KIF22: variants seen among roughly 807,000 people sequenced by gnomAD.
KIF22 encodes the protein kinesin-like protein KIF22.
KIF22 carries 62 observed loss-of-function variants against 73.0 expected under a neutral mutation model. The ratio of observed to expected loss-of-function variants is 0.85; its 90% CI spans 0.69 to 1.05. The LOEUF is 1.05. KIF22 is among the 50% of genes least tolerant of loss of function. The probability of loss-of-function intolerance (pLI) is 0.00; values close to 1 mark genes in which losing one functional copy is unlikely to be tolerated. For missense variants in KIF22, 854 were observed against 870.1 expected, an observed-to-expected ratio of 0.98 and a Z score of 0.23; for synonymous variants, 411 against 340.1, an observed-to-expected ratio of 1.21 and a Z score of -2.29.
At position 29,799,295 on chromosome 16, in the gene KIF22, G is replaced by A. The variant is rs781023894; in HGVS notation, c.791G>A (p.Arg264His). Residue 264 changes from arginine (R) to histidine (H), a missense_variant, in exon 6 of 14, where the codon CGC (arginine) becomes CAC (histidine). Arg to His is a conservative substitution (Grantham distance 29). Transcript: ENST00000160827. ...CAGCGGGAACGTTTGGCCCCATTTC[G>A]CCAGCGAGAGGGAAAACTCTACCTG... ...VDQRERLAPFRQREGKLYLID... is the reference protein window; with the variant it reads ...VDQRERLAPFHQREGKLYLID... 9.9e-6 allele frequency: 16 copies of A among 1,613,906 alleles called. No homozygotes were observed. The highest frequency in any genetic ancestry group is 7.7e-5 in the South Asian group (7 of 91,048).
chr16:29,799,874 C>T (rs1357140561), intron 7 of KIF22, 39 bp from the exon 8 acceptor site: 1 of 1,612,878 alleles, frequency 6.2e-7, no homozygotes, highest in South Asian at 1.1e-5. Flanking sequence ...GGCTGACCAC[C>T]CCCAATCCCT....
At chr16:29,805,060 CG>C (rs887636460) in intron 12 of KIF22, 34 bp downstream of exon 12, 4 of 848,408 alleles carry the variant, frequency 4.7e-6, no homozygotes, top group African/African-American at 1.7e-5. Context: ...AGGGCGGGGG[CG>C]GGGGAGACCG....
chr16:29,801,411 T>C (rs1899132363), intron 8 of KIF22, among the ~76,000 whole-genome samples: 1 of 152,194 alleles, frequency 6.6e-6, no homozygotes, highest in African/African-American at 2.4e-5. Context: ...TAGTGCCCAC[T>C]CTGTCCCAGG....
intron 10 of KIF22, 88 bp from the exon 11 acceptor site, chr16:29,803,910 G>A (rs1206336406): frequency 9.9e-7 from 1 of 1,010,316 alleles, no homozygotes; most frequent in African/African-American, 1.6e-5. Flanking sequence ...GGGGAGCTGG[G>A]GAATCAGAAA....
intron 8 of KIF22, among the ~76,000 whole-genome samples, chr16:29,801,203 C>T (rs1899125647): frequency 6.6e-6 from 1 of 152,200 alleles, no homozygotes; most frequent in African/African-American, 2.4e-5. Context: ...ATCACCCCAC[C>T]TCATGGCCCA....
intron 1 of KIF22, among the ~76,000 whole-genome samples, chr16:29,795,226 T>C (rs902187282): frequency 1.6e-4 from 25 of 152,190 alleles, no homozygotes; most frequent in African/African-American, 6.0e-4. Flanking sequence ...AGGATTGCCA[T>C]GAGGAACAAA....
intron 11 of KIF22, 81 bp downstream of exon 11, chr16:29,804,146 T>G: frequency 8.3e-7 from 1 of 1,199,732 alleles, no homozygotes. Context: ...AGCGTTGGCC[T>G]TGGGGTTAAA....
chr16:29,791,016 C>T, intron 1 of KIF22, 187 bp downstream of exon 1: 4 of 1,450,174 alleles, frequency 2.8e-6, no homozygotes, highest in South Asian at 1.4e-5. Flanking sequence ...CTGCCTTCTC[C>T]CTGTTTCCTG....
In KIF22 at chr16:29,804,035, C is replaced by T. The variant is rs142414573; in HGVS notation, c.1647C>T (p.His549=). ...CAGCATCCCCAAATGCCGAGATCCA[C>T]ATCCTGAAGAATAAAGGCCGGAAGA... The part of the protein sequence containing the change: ...EQAASPNAEI[H]ILKNKGRKRK... Residue 549 remains histidine, a synonymous_variant, in exon 11 of 14, where the codon CAC becomes CAT. Coordinates refer to ENST00000160827, the MANE Select transcript of KIF22 (RefSeq NM_007317.3). 1 of 1,613,946 alleles carries T rather than the reference C, an allele frequency of 6.2e-7. No individual in the cohort carries two copies. The highest frequency in any genetic ancestry group is 8.5e-7 in the Non-Finnish European group (1 of 1,179,862).
At position 29,791,066 on chromosome 16, in the gene KIF22, G is replaced by A. The variant is rs946316307; in HGVS notation, c.70+237G>A. 1.9e-5 allele frequency: 27 copies of A among 1,397,144 alleles called. No individual in the cohort carries two copies. In the African/African-American group the frequency reaches 3.5e-4, roughly 18 times the overall value. The allele number at this position is 1,397,144 out of a possible 1,614,324, so 86.5% of individuals were successfully genotyped here. A position where few individuals can be genotyped will look rare whatever the true frequency, so the allele number is the denominator to read the frequency against. ...CAGTAGACTCGGGTCTCCGGTCCAG[G>A]CTCTTGGCTTGAACCCCGCGCACTT... On this transcript the variant is annotated intron_variant, in intron 1 of 13. Coordinates refer to ENST00000160827, the MANE Select transcript of KIF22 (RefSeq NM_007317.3).
intron 8 of KIF22, 161 bp downstream of exon 8, chr16:29,800,209 C>T: frequency 2.6e-6 from 2 of 774,482 alleles, no homozygotes; most frequent in Non-Finnish European, 3.9e-6. Context: ...AACCCCAGCA[C>T]TTTGGGAGAC....
rs746702908 is a variant in KIF22 at position 29,799,717 on chromosome 16, C to T, written c.1080C>T (p.Asn360=). Residue 360 remains asparagine, a synonymous_variant, in exon 7 of 14, where the codon AAC becomes AAT. Coordinates refer to ENST00000160827, the MANE Select transcript of KIF22 (RefSeq NM_007317.3). ...RFYLDTVSAL[N]FAARSKEVIN... ...ACCTAGACACAGTCTCCGCACTCAA[C>T]TTTGCTGCCAGGTCCAAGGAGGTGA... 16 of 1,613,686 alleles carry T rather than the reference C, an allele frequency of 9.9e-6. No individual in the cohort carries two copies. The highest frequency in any genetic ancestry group is 9.3e-6 in the Non-Finnish European group (11 of 1,179,796).
At chr16:29,802,969 C>T (rs779954401) in intron 9 of KIF22, 32 bp downstream of exon 9, 4 of 1,601,940 alleles carry the variant, frequency 2.5e-6, no homozygotes, top group Admixed American at 1.7e-5. Flanking sequence ...GAGCTGGATT[C>T]CTATTGGCCT....
Position 29,798,440 on chromosome 16 carries a change from C to T in KIF22, c.333C>T (p.Ile111=). 2 of 1,614,112 alleles carry T rather than the reference C, an allele frequency of 1.2e-6. No homozygotes were observed. Among genetic ancestry groups the T allele is most frequent in the Non-Finnish European group, 1.7e-6 (2 of 1,180,034 alleles). ...QDIYAGSVQP[I]LRHLLEGQNA... ...TCTATGCAGGTTCAGTGCAGCCCAT[C>T]CTAAGGCACTTGCTGGAAGGGCAGA... Residue 111 remains isoleucine, a synonymous_variant, in exon 3 of 14, where the codon ATC becomes ATT. Coordinates refer to ENST00000160827, the MANE Select transcript of KIF22 (RefSeq NM_007317.3). The surrounding 1 kb of genome is among the most constrained non-coding windows in gnomAD (Gnocchi z 4.1).
At position 29,799,179 on chromosome 16, in the gene KIF22, G is replaced by A. The variant is rs753871059; in HGVS notation, c.754G>A (p.Val252Ile). The A allele has an allele frequency of 6.2e-7, 1 of 1,613,486 alleles. No individual in the cohort carries two copies. The highest frequency in any genetic ancestry group is 1.1e-5 in the South Asian group (1 of 91,020). ...RSSRSHAVLL[V>I]KVDQRERLAP... ...CTCCCGCAGTCATGCTGTGCTCCTG[G>A]TCAAGGTGAGGCCGCAGACAGGGGC... The change falls in exon 5 of 14, where the codon GTC (valine) becomes ATC (isoleucine). Residue 252 changes from valine (V) to isoleucine (I), a missense_variant. This residue lies in a region of KIF22 where 245 missense variants were observed against 351.8 expected (regional missense o/e 0.70). Transcript: ENST00000160827.
chr16:29,803,782 G>A (rs1567362082), intron 10 of KIF22, among the ~76,000 whole-genome samples, 174 bp downstream of exon 10: 1 of 152,182 alleles, frequency 6.6e-6, no homozygotes, highest in Non-Finnish European at 1.5e-5. Context: ...GGGTGTTTAG[G>A]ACAGTGGGAT....
intron 8 of KIF22, 51 bp downstream of exon 8, chr16:29,800,099 G>T (rs1208625031): frequency 6.4e-7 from 1 of 1,557,544 alleles, no homozygotes; most frequent in Non-Finnish European, 8.6e-7. Context: ...TGGCTTAGCA[G>T]CAGAGCTGCA....
At chr16:29,803,242 C>T (rs955630676) in intron 9 of KIF22, among the ~76,000 whole-genome samples, 9 of 152,192 alleles carry the variant, frequency 5.9e-5, no homozygotes, top group Non-Finnish European at 1.0e-4. Context: ...TCAATATTTG[C>T]AGAGGCTTGT....
At chr16:29,803,825 A>G (rs1899233680) in intron 10 of KIF22, among the ~76,000 whole-genome samples, 173 bp from the exon 11 acceptor site, 1 of 152,220 alleles carries the variant, frequency 6.6e-6, no homozygotes, top group South Asian at 2.1e-4. Flanking sequence ...AGATAATGCA[A>G]GACTGACTGA....
Sources: allele counts gnomAD v4.1 joint callset (sites outside exome capture counted in the v4.1 genomes callset), GRCh38; gene constraint gnomAD v4.1.1; regional missense constraint gnomAD v4.1.1; non-coding constraint Gnocchi (gnomAD v3.1); transcripts MANE v1.5; gene names NCBI Gene and HGNC (gene_info 2026-07-23, HGNC 2026-07-21).